The following EPHA8 variants were observed in gnomAD, a reference collection of about 807,000 sequenced individuals.
The protein encoded by EPHA8 is EPH receptor A8.
EPHA8 carries 58 observed loss-of-function variants against 103.6 expected under a neutral mutation model. The observed-to-expected ratio is 0.56, with a 90% CI of 0.45 to 0.70. The LOEUF is 0.70. Ranked by LOEUF, EPHA8 falls within the 30% of genes least tolerant of loss-of-function variation. The pLI is 0.00. For missense variants in EPHA8, 1,304 were observed against 1,395.2 expected (o/e 0.93, Z 1.04); for synonymous variants, 559 against 572.5 (o/e 0.98, Z 0.34).
In EPHA8 at chr1:22,597,296, T is replaced by C. The variant is rs1290771407; in HGVS notation, c.1766-16T>C. ...CTCTCCTGGGCCCCACTGAAGGCCC[T>C]CCTCCCGCCCCTCAGCACCCCCACC... On this transcript the variant is annotated splice_polypyrimidine_tract_variant and intron_variant, in intron 9 of 16. Transcript: ENST00000166244. This position sits in a 1 kb window ranked among gnomAD's most constrained non-coding sequence, Gnocchi z 4.6. The C allele has an allele frequency of 2.2e-5, 26 of 1,186,564 alleles. No individual in the cohort carries two copies. The highest frequency in any genetic ancestry group is 3.8e-5 in the Admixed American group (2 of 52,650). 73.5% of individuals were successfully genotyped at this position (1,186,564 alleles called of 1,614,324 possible).
At chr1:22,578,499 T>A (rs1479239879) in intron 3 of EPHA8, among the ~76,000 whole-genome samples, 1 of 146,894 alleles carries the variant, frequency 6.8e-6, no homozygotes, top group Non-Finnish European at 1.5e-5. Context: ...CATGTGTGCA[T>A]GAGTGCATTA....
At position 22,593,357 on chromosome 1, in the gene EPHA8, G is replaced by A. The variant is rs1459456000; in HGVS notation, c.1347G>A (p.Glu449=). The part of the protein sequence containing the change: ...APSQVVVIRQ[E]RAGQTSVSLL... ...CCCAGGTGGTGGTGATCCGTCAAGA[G>A]CGGGCGGGGCAGACCAGCGTCTCGC... The change falls in exon 6 of 17, where the codon GAG becomes GAA. Residue 449 remains glutamate, a synonymous_variant. Coordinates refer to ENST00000166244, the MANE Select transcript of EPHA8 (RefSeq NM_020526.5). 1 of 1,582,498 alleles carries A rather than the reference G, an allele frequency of 6.3e-7. No homozygotes were observed. The highest frequency in any genetic ancestry group is 8.6e-7 in the Non-Finnish European group (1 of 1,164,328).
In EPHA8 at chr1:22,576,116, C is replaced by CTT; in HGVS notation, c.160-93_160-92dup. The CTT allele has an allele frequency of 7.3e-7, 1 of 1,365,096 alleles. No individual in the cohort carries two copies. 84.6% of individuals were successfully genotyped at this position (1,365,096 alleles called of 1,614,324 possible). A position where few individuals can be genotyped will look rare whatever the true frequency, so the allele number is the denominator to read the frequency against. On this transcript the variant is annotated intron_variant, in intron 2 of 16. Transcript: ENST00000166244. The surrounding 1 kb of genome is among the most constrained non-coding windows in gnomAD (Gnocchi z 4.8). ...GCCACCAGGAGGCCAGCTCCTTTGT[C>CTT]TTTTTTTTTGCCAGCGTCCCCAGCA...
At chr1:22,593,282 G>C in intron 5 of EPHA8, 44 bp from the exon 6 acceptor site, 4 of 1,539,006 alleles carry the variant, frequency 2.6e-6, no homozygotes, top group Non-Finnish European at 3.5e-6. Context: ...GAGAGGCCAC[G>C]CCTTGTCTCC....
intron 8 of EPHA8, 73 bp from the exon 9 acceptor site, chr1:22,596,033 C>T (rs1641507520): frequency 2.8e-6 from 4 of 1,407,590 alleles, no homozygotes; most frequent in Admixed American, 1.7e-5. Context: ...AGCCATGACT[C>T]GTTCCCTGGT....
intron 3 of EPHA8, among the ~76,000 whole-genome samples, chr1:22,578,242 A>ATG (rs199895912): frequency 8.7e-6 from 1 of 115,464 alleles, no homozygotes; most frequent in Non-Finnish European, 1.9e-5. Flanking sequence ...GTATGTGTGC[A>ATG]TGTGTGTGTC....
rs759290601 is a variant in EPHA8, at chr1:22,589,358, G to C, written c.1315+152G>C. ...GCGCTCCTCACCAGGACCCAGAGCT[G>C]GAGGCTCTTCATTGCCTTTAGAAAA... On this transcript the variant is annotated intron_variant, in intron 5 of 16. Coordinates refer to ENST00000166244, the MANE Select transcript of EPHA8 (RefSeq NM_020526.5). This position sits in a 1 kb window ranked among gnomAD's most constrained non-coding sequence, Gnocchi z 4.3. 6.4e-6 allele frequency: 10 copies of C among 1,573,036 alleles called. No individual in the cohort carries two copies. In the African/African-American group the frequency reaches 1.4e-4, roughly 21 times the overall value.
intron 13 of EPHA8, among the ~76,000 whole-genome samples, chr1:22,599,868 G>GGAAGGAAGGAAGGAGA (rs1553149327): frequency 1.4e-5 from 1 of 72,016 alleles, no homozygotes; most frequent in African/African-American, 6.8e-5. Flanking sequence ...AGGGAGGAAG[G>GGAAGGAAGGAAGGAGA]GAAGGAGGGA....
At position 22,586,553 on chromosome 1, in the gene EPHA8, C is replaced by T. The variant is rs372203085; in HGVS notation, c.897C>T (p.Ser299=). The T allele has an allele frequency of 1.2e-5, 20 of 1,613,840 alleles. No homozygotes were observed. The highest frequency in any genetic ancestry group is 8.0e-5 in the African/African-American group (6 of 75,036). Residue 299 remains serine (S), a synonymous_variant, in exon 4 of 17, where the codon TCC becomes TCT. Coordinates refer to ENST00000166244, the MANE Select transcript of EPHA8 (RefSeq NM_020526.5). ...CCCGCTGCCCTCCCCACAGCCACTC[C>T]GCAGCTCCAGCCGCCCAAGCCTGCC... ...LCARCPPHSH[S]AAPAAQACHC...
chr1:22,578,744 C>A (rs560272300), intron 3 of EPHA8, among the ~76,000 whole-genome samples: 1 of 133,892 alleles, frequency 7.5e-6, no homozygotes, highest in African/African-American at 2.8e-5. Flanking sequence ...AGTGTATGTA[C>A]GGATTTGTGC....
intron 5 of EPHA8, among the ~76,000 whole-genome samples, chr1:22,592,065 G>A (rs1339066436): frequency 2.0e-5 from 3 of 152,178 alleles, no homozygotes; most frequent in African/African-American, 7.2e-5. Context: ...TAGGCACTCA[G>A]GAGTCCTAGA....
intron 3 of EPHA8, among the ~76,000 whole-genome samples, chr1:22,580,124 TCTC>T (rs1361949441): frequency 2.3e-5 from 3 of 127,866 alleles, no homozygotes; most frequent in Non-Finnish European, 4.8e-5. Context: ...TTTCTTTCTT[TCTC>T]TTTTTTTTTT....
chr1:22,568,673 C>T (rs932794147), intron 1 of EPHA8, among the ~76,000 whole-genome samples: 1 of 152,254 alleles, frequency 6.6e-6, no homozygotes, highest in African/African-American at 2.4e-5. Flanking sequence ...CCCCGCTAAG[C>T]CCCTCCACAC....
At chr1:22,571,352 C>T (rs1210162774) in intron 2 of EPHA8, among the ~76,000 whole-genome samples, 1 of 152,226 alleles carries the variant, frequency 6.6e-6, no homozygotes, top group Non-Finnish European at 1.5e-5. Context: ...GCAGCCACCA[C>T]ACTTCACAGG....
chr1:22,589,645 AAC>A lies in EPHA8; in HGVS notation c.1315+441_1315+442del. On this transcript the variant is annotated intron_variant, in intron 5 of 16. Coordinates refer to ENST00000166244, the MANE Select transcript of EPHA8 (RefSeq NM_020526.5). The surrounding 1 kb of genome is among the most constrained non-coding windows in gnomAD (Gnocchi z 4.3). ...AATCACTCGGATGATCATTTTCCAG[AAC>A]AGCTGCTACAGCTGCCCTTGGGATA... 1 of 1,190,146 alleles carries A rather than the reference AAC, an allele frequency of 8.4e-7. No homozygotes were observed. The highest frequency in any genetic ancestry group is 4.3e-5 in the Admixed American group (1 of 23,212). 73.7% of individuals were successfully genotyped at this position (1,190,146 alleles called of 1,614,324 possible).
intron 2 of EPHA8, among the ~76,000 whole-genome samples, chr1:22,573,445 C>T (rs987261672): frequency 2.6e-5 from 4 of 152,134 alleles, no homozygotes; most frequent in Admixed American, 1.3e-4. Flanking sequence ...GATGGAGGGG[C>T]TTGGGATGGG....
At chr1:22,590,206 G>C (rs779434822) in intron 5 of EPHA8, among the ~76,000 whole-genome samples, 1 of 152,018 alleles carries the variant, frequency 6.6e-6, no homozygotes, top group Non-Finnish European at 1.5e-5. Context: ...CCCCGTGGTA[G>C]AGCCCAGCCC....
intron 7 of EPHA8, among the ~76,000 whole-genome samples, chr1:22,593,904 C>T (rs1446091032): frequency 1.3e-5 from 2 of 152,254 alleles, no homozygotes; most frequent in East Asian, 3.9e-4. Flanking sequence ...GCAATCTCAG[C>T]TCACTGCAAC....
In EPHA8 at chr1:22,569,230, C is replaced by G; in HGVS notation, c.95-59C>G. On this transcript the variant is annotated intron_variant, in intron 1 of 16. Transcript: ENST00000166244. This position sits in a 1 kb window ranked among gnomAD's most constrained non-coding sequence, Gnocchi z 4.5. The stretch of plus-strand genomic sequence containing the variant: ...ACCAGTGTAGCTGGGTCAGGCTGCT[C>G]TTGAGGAGCTGGGGAGAAGTCAGAG... The G allele has an allele frequency of 6.3e-7, 1 of 1,586,644 alleles. No homozygotes were observed. The highest frequency in any genetic ancestry group is 8.6e-7 in the Non-Finnish European group (1 of 1,156,460).
Sources: gnomAD v4.1 joint callset for allele counts (sites outside exome capture counted in the v4.1 genomes callset) on GRCh38, gnomAD v4.1.1 for gene constraint, Gnocchi (gnomAD v3.1) non-coding constraint, MANE v1.5 for transcripts, NCBI Gene and HGNC (gene_info 2026-07-23, HGNC 2026-07-21) for gene names.